Variants in APBA1 observed in about 807,000 individuals in gnomAD.
APBA1 encodes the protein amyloid-beta A4 precursor protein-binding family A member 1.
In APBA1, 55 loss-of-function variants were observed where a neutral mutation model predicts 86.6. The observed-to-expected ratio is 0.64, with a 90% CI of 0.51 to 0.80. APBA1 has a LOEUF of 0.80. APBA1 is among the 30% of genes least tolerant of loss of function. The probability of loss-of-function intolerance (pLI) is 0.00; values close to 1 mark genes in which losing one functional copy is unlikely to be tolerated. For missense variants in APBA1, 1,090 were observed against 1,183.0 expected (o/e 0.92, Z 1.15); for synonymous variants, 511 against 493.9 (o/e 1.03, Z -0.46).
intron 2 of APBA1, among the ~76,000 whole-genome samples, chr9:69,490,742 TCAAA>T (rs1315596862): frequency 6.6e-6 from 1 of 151,782 alleles, no homozygotes; most frequent in African/African-American, 2.4e-5. Context: ...TACAAAGAAC[TCAAA>T]CAAATTTACA....
intron 10 of APBA1, among the ~76,000 whole-genome samples, chr9:69,445,543 G>A (rs1046728781): frequency 1.3e-5 from 2 of 152,102 alleles, no homozygotes; most frequent in Non-Finnish European, 1.5e-5. Context: ...CTATAGCAAC[G>A]GGAGAGCAGA....
intron 1 of APBA1, among the ~76,000 whole-genome samples, chr9:69,540,771 A>G (rs1206017673): frequency 6.6e-6 from 1 of 151,872 alleles, no homozygotes; most frequent in Non-Finnish European, 1.5e-5. Context: ...GCTAATTTTA[A>G]ATTTTTTTGT....
intron 1 of APBA1, among the ~76,000 whole-genome samples, chr9:69,664,145 C>A (rs1285878048): frequency 6.6e-6 from 1 of 152,140 alleles, no homozygotes; most frequent in African/African-American, 2.4e-5. Flanking sequence ...GAAATAAACT[C>A]AATCAACACA....
At chr9:69,665,917 G>A (rs572505681) in intron 1 of APBA1, among the ~76,000 whole-genome samples, 1 of 152,264 alleles carries the variant, frequency 6.6e-6, no homozygotes, top group African/African-American at 2.4e-5. Context: ...TGTATTTTTA[G>A]TAGAGACAGC....
Position 69,523,501 on chromosome 9 carries a change from A to ATGTGTG in APBA1, c.-69-6223_-69-6222insCACACA, listed in dbSNP as rs1440192385. Among the ~76,000 whole-genome samples, 9 of 31,658 alleles carry ATGTGTG rather than the reference A, an allele frequency of 2.8e-4. No homozygotes were observed. The East Asian group carries it at 0.019, about 67-fold the overall frequency. 20.8% of individuals were successfully genotyped at this position (31,658 alleles called of 152,430 possible). On this transcript the variant is annotated intron_variant, in intron 1 of 12. Transcript: ENST00000265381. ...TGTATATATATATATATATATGTATATATATATATATATATATATATATAT... is the reference window on the plus strand; with the variant it reads ...TGTATATATATATATATATATGTATATGTGTGTATATATATATATATATATATATAT...
intron 9 of APBA1, 66 bp from the exon 10 acceptor site, chr9:69,449,862 C>A (rs781165894): frequency 1.4e-6 from 2 of 1,422,576 alleles, no homozygotes; most frequent in African/African-American, 2.8e-5. Context: ...GAAATGAAAG[C>A]CTCTCCCCCA....
At chr9:69,587,798 C>G (rs532338768) in intron 1 of APBA1, among the ~76,000 whole-genome samples, 1 of 151,846 alleles carries the variant, frequency 6.6e-6, no homozygotes, top group Admixed American at 6.6e-5. Context: ...GCTGAGGTAG[C>G]CGGATCATTT....
In APBA1 at chr9:69,501,578, C is replaced by T. The variant is rs1194019982; in HGVS notation, c.1200+14433G>A. Among the ~76,000 whole-genome samples, 4 of 151,050 alleles carry T rather than the reference C, an allele frequency of 2.6e-5. 1 individual carries two copies. Among genetic ancestry groups the T allele is most frequent in the African/African-American group, 9.8e-5 (4 of 41,018 alleles). The stretch of plus-strand genomic sequence containing the variant: ...CACTTTGAGAGGCCAATGCTTGAGG[C>T]CAGGAGTTTGAGACCAGCCTGGGCA... On this transcript the variant is annotated intron_variant, in intron 2 of 12. Coordinates refer to ENST00000265381, the MANE Select transcript of APBA1 (RefSeq NM_001163.4).
chr9:69,592,865 G>T (rs889110520), intron 1 of APBA1, among the ~76,000 whole-genome samples: 9 of 152,138 alleles, frequency 5.9e-5, no homozygotes, highest in African/African-American at 2.2e-4. Context: ...ATATCATTAG[G>T]AATAAAATTG....
At chr9:69,550,916 T>G (rs1180082030) in intron 1 of APBA1, among the ~76,000 whole-genome samples, 1 of 152,194 alleles carries the variant, frequency 6.6e-6, no homozygotes, top group Non-Finnish European at 1.5e-5. Context: ...AGTCTATCAA[T>G]ATGCATACAT....
chr9:69,583,313 T>TA (rs1821952606), intron 1 of APBA1, among the ~76,000 whole-genome samples: 1 of 152,118 alleles, frequency 6.6e-6, no homozygotes, highest in Non-Finnish European at 1.5e-5. Context: ...TGTGAGCCCC[T>TA]AAAAAAACCC....
chr9:69,578,801 C>T (rs777075698), intron 1 of APBA1, among the ~76,000 whole-genome samples: 1 of 152,164 alleles, frequency 6.6e-6, no homozygotes, highest in Non-Finnish European at 1.5e-5. Flanking sequence ...AATAGTATGT[C>T]TGCATTTTAA....
Position 69,629,341 on chromosome 9 carries a change from A to T in APBA1, c.-70+42812T>A, listed in dbSNP as rs575373326. 4.6e-5 allele frequency among the ~76,000 whole-genome samples: 7 copies of T among 152,342 alleles called. No individual in the cohort carries two copies. The East Asian group carries it at 1.2e-3, about 25-fold the overall frequency. On this transcript the variant is annotated intron_variant, in intron 1 of 12. Coordinates refer to ENST00000265381, the MANE Select transcript of APBA1 (RefSeq NM_001163.4). ...CCTGATATTAACCATTATATATGCT[A>T]CAGGTTTAAATACTATCTAAACTTC...
At chr9:69,511,607 T>A (rs2133883213) in intron 2 of APBA1, among the ~76,000 whole-genome samples, 1 of 151,880 alleles carries the variant, frequency 6.6e-6, no homozygotes, top group Non-Finnish European at 1.5e-5. Context: ...CATGCTGCTA[T>A]AAAGACACAT....
chr9:69,531,559 T>TA (rs1836434175), intron 1 of APBA1, among the ~76,000 whole-genome samples: 1 of 152,110 alleles, frequency 6.6e-6, no homozygotes, highest in African/African-American at 2.4e-5. Flanking sequence ...CACTCCAGCC[T>TA]TGTCCTCCCT....
At chr9:69,518,088 C>T (rs1433159748) in intron 1 of APBA1, among the ~76,000 whole-genome samples, 1 of 152,094 alleles carries the variant, frequency 6.6e-6, no homozygotes, top group East Asian at 1.9e-4. Flanking sequence ...GCGCACTCAG[C>T]ATCCAGGATA....
chr9:69,558,558 A>C (rs11139335), intron 1 of APBA1, among the ~76,000 whole-genome samples: 3,868 of 135,256 alleles, frequency 0.029, 66 homozygotes, highest in Non-Finnish European at 0.04. Context: ...ACACACACAC[A>C]CACATATATA....
intron 1 of APBA1, among the ~76,000 whole-genome samples, chr9:69,647,244 G>T (rs1823410077): frequency 6.6e-6 from 1 of 152,142 alleles, no homozygotes; most frequent in Non-Finnish European, 1.5e-5. Context: ...TTCAAGCCTG[G>T]AAAGCTTATT....
In APBA1 at chr9:69,447,233, T is replaced by C. The variant is rs149378016; in HGVS notation, c.2181+2351A>G. On this transcript the variant is annotated intron_variant, in intron 10 of 12. Coordinates refer to ENST00000265381, the MANE Select transcript of APBA1 (RefSeq NM_001163.4). ...TTGGGATTAGGGTTTCAATATGTATTTGGAGGGAACACAAATATTACTCAA... is the reference window on the plus strand; with the variant it reads ...TTGGGATTAGGGTTTCAATATGTATCTGGAGGGAACACAAATATTACTCAA... 2.5e-3 allele frequency among the ~76,000 whole-genome samples: 373 copies of C among 152,234 alleles called. 2 individuals are homozygous for C. The highest frequency in any genetic ancestry group is 8.4e-3 in the African/African-American group (349 of 41,530).
Sources: allele counts gnomAD v4.1 joint callset (sites outside exome capture counted in the v4.1 genomes callset), GRCh38; gene constraint gnomAD v4.1.1; transcripts MANE v1.5; gene names NCBI Gene and HGNC (gene_info 2026-07-23, HGNC 2026-07-21).